The following LRRN1 variants were observed in gnomAD, a reference collection of about 807,000 sequenced individuals.
LRRN1 encodes the protein leucine-rich repeat neuronal protein 1.
In LRRN1, 14 loss-of-function variants were observed where a neutral mutation model predicts 45.8. The observed-to-expected ratio is 0.31, with a 90% CI of 0.20 to 0.48. The LOEUF (loss-of-function observed/expected upper bound fraction) is 0.48. LRRN1 is among the 20% of genes least tolerant of loss of function. The pLI is 0.99. For synonymous variants in LRRN1, 359 were observed against 330.1 expected, an observed-to-expected ratio of 1.09 and a Z score of -0.95; for missense variants, 789 against 874.2, an observed-to-expected ratio of 0.90 and a Z score of 1.23.
chr3:3,800,172 T>C (rs1456606226), intron 1 of LRRN1, among the ~76,000 whole-genome samples: 8 of 143,318 alleles, frequency 5.6e-5, no homozygotes, highest in African/African-American at 2.1e-4. Context: ...GGGAGAGCGA[T>C]AGTTGGGAAG....
intron 1 of LRRN1, among the ~76,000 whole-genome samples, chr3:3,827,668 T>C (rs564741203): frequency 6.6e-6 from 1 of 152,194 alleles, no homozygotes; most frequent in Non-Finnish European, 1.5e-5. Context: ...TTGAACATTA[T>C]CTACATGATA....
intron 1 of LRRN1, among the ~76,000 whole-genome samples, chr3:3,802,985 A>C (rs968922263): frequency 3.2e-4 from 31 of 97,648 alleles, no homozygotes; most frequent in Non-Finnish European, 8.2e-4. Context: ...AAACTGATAA[A>C]GTGTTTAATT....
chr3:3,834,016 G>A (rs899049408), intron 1 of LRRN1, among the ~76,000 whole-genome samples: 1 of 152,124 alleles, frequency 6.6e-6, no homozygotes, highest in Non-Finnish European at 1.5e-5. Context: ...AAGAGTTTGT[G>A]TCTGTTTTTC....
intron 1 of LRRN1, among the ~76,000 whole-genome samples, chr3:3,817,073 A>G (rs1362546916): frequency 2.0e-5 from 3 of 152,064 alleles, no homozygotes; most frequent in East Asian, 1.9e-4. Context: ...AAGCTGGAAA[A>G]CTGATGTTCT....
intron 1 of LRRN1, among the ~76,000 whole-genome samples, chr3:3,813,554 C>G (rs548939562): frequency 6.6e-6 from 1 of 152,188 alleles, no homozygotes; most frequent in African/African-American, 2.4e-5. Flanking sequence ...TTATTACTAA[C>G]CTGCTTTTCT....
At chr3:3,801,674 C>CTGTT (rs1692655621) in intron 1 of LRRN1, among the ~76,000 whole-genome samples, 1 of 152,156 alleles carries the variant, frequency 6.6e-6, no homozygotes, top group Non-Finnish European at 1.5e-5. Flanking sequence ...GTGAGTTTTT[C>CTGTT]TGTTTGGGAA....
chr3:3,827,154 A>G (rs1267441843), intron 1 of LRRN1: 1 of 191,594 alleles, frequency 5.2e-6, no homozygotes, highest in Non-Finnish European at 1.1e-5. Context: ...AGTTCATTCT[A>G]ATTCTCTCAC....
chr3:3,828,132 T>TTATATA (rs3043963), intron 1 of LRRN1, among the ~76,000 whole-genome samples: 19 of 145,324 alleles, frequency 1.3e-4, no homozygotes, highest in African/African-American at 4.3e-4. Flanking sequence ...AGGGACAGAA[T>TTATATA]TATATATATA....
chr3:3,840,413 G>C (rs146793495), intron 1 of LRRN1, among the ~76,000 whole-genome samples: 1,630 of 152,250 alleles, frequency 0.011, 12 homozygotes, highest in Non-Finnish European at 0.018. Context: ...TTCTTGTTGT[G>C]ATAATGGATT....
At position 3,845,149 on chromosome 3, in the gene LRRN1, T is replaced by C; in HGVS notation, c.508T>C (p.Leu170=). The C allele has an allele frequency of 6.2e-7, 1 of 1,614,172 alleles. No homozygotes were observed. The highest frequency in any genetic ancestry group is 1.1e-5 in the South Asian group (1 of 91,086). ...AHAFAGLKNL[L]RLHLNSNKLK... is the part of the protein sequence containing the mutation. ...TGCTTTTGCAGGCTTAAAAAATCTATTAAGGCTCCACCTGAACTCCAACAA... is the reference window on the plus strand; with the variant it reads ...TGCTTTTGCAGGCTTAAAAAATCTACTAAGGCTCCACCTGAACTCCAACAA... Residue 170 remains leucine, a synonymous_variant, in exon 2 of 2, where the codon TTA becomes CTA. Coordinates refer to ENST00000319331, the MANE Select transcript of LRRN1 (RefSeq NM_020873.7). This position sits in a 1 kb window ranked among gnomAD's most constrained non-coding sequence, Gnocchi z 6.5.
chr3:3,802,975 A>T (rs2106448720), intron 1 of LRRN1, among the ~76,000 whole-genome samples: 1 of 126,418 alleles, frequency 7.9e-6, no homozygotes, highest in South Asian at 2.3e-4. Context: ...TTGGTAAATA[A>T]AACTGATAAA....
chr3:3,818,799 G>C (rs978826101), intron 1 of LRRN1, among the ~76,000 whole-genome samples: 9 of 152,148 alleles, frequency 5.9e-5, no homozygotes, highest in African/African-American at 2.2e-4. Context: ...TAAGGAACAG[G>C]TACCTCTGTC....
chr3:3,806,661 T>C (rs1692766839), intron 1 of LRRN1, among the ~76,000 whole-genome samples: 1 of 152,218 alleles, frequency 6.6e-6, no homozygotes, highest in Non-Finnish European at 1.5e-5. Flanking sequence ...AAGATGCAGC[T>C]GAGTTGACAA....
intron 1 of LRRN1, among the ~76,000 whole-genome samples, chr3:3,808,449 CAAGT>C (rs1258774348): frequency 6.6e-6 from 1 of 152,160 alleles, no homozygotes; most frequent in Non-Finnish European, 1.5e-5. Flanking sequence ...AAATATTTGT[CAAGT>C]GAATGAATGA....
At chr3:3,822,419 G>A (rs560333080) in intron 1 of LRRN1, among the ~76,000 whole-genome samples, 1 of 152,274 alleles carries the variant, frequency 6.6e-6, no homozygotes, top group African/African-American at 2.4e-5. Context: ...TTTAATTCCT[G>A]TAGCTTACTA....
At chr3:3,824,802 A>T (rs1310613287) in intron 1 of LRRN1, among the ~76,000 whole-genome samples, 1 of 152,160 alleles carries the variant, frequency 6.6e-6, no homozygotes, top group Non-Finnish European at 1.5e-5. Context: ...GCAATGTGGG[A>T]TTGTCTATCT....
At chr3:3,832,428 T>G (rs949475586) in intron 1 of LRRN1, among the ~76,000 whole-genome samples, 5 of 152,144 alleles carry the variant, frequency 3.3e-5, no homozygotes, top group Non-Finnish European at 5.9e-5. Context: ...CACTGTAAGT[T>G]GGACCTGAGC....
At chr3:3,811,447 A>G (rs1012707930) in intron 1 of LRRN1, among the ~76,000 whole-genome samples, 1 of 152,250 alleles carries the variant, frequency 6.6e-6, no homozygotes, top group Non-Finnish European at 1.5e-5. Context: ...TGGAAAATGT[A>G]CTTAGCAAAT....
chr3:3,847,499 C>A lies in LRRN1; in HGVS notation c.*707C>A, dbSNP rs529461758. The A allele has an allele frequency of 3.6e-5, 6 of 165,096 alleles. No homozygotes were observed. Among genetic ancestry groups the A allele is most frequent in the African/African-American group, 1.5e-4 (6 of 40,966 alleles). The allele number at this position is 165,096 out of a possible 1,614,324, so 10.2% of individuals were successfully genotyped here. A position where few individuals can be genotyped will look rare whatever the true frequency, so the allele number is the denominator to read the frequency against. ...ACTACATGTTAATTGTTATCTTATTCTTTTTATCTTTAGTAGACACTTTTA... is the reference window on the plus strand; with the variant it reads ...ACTACATGTTAATTGTTATCTTATTATTTTTATCTTTAGTAGACACTTTTA... On this transcript the variant is annotated 3_prime_UTR_variant, in exon 2 of 2. Coordinates refer to ENST00000319331, the MANE Select transcript of LRRN1 (RefSeq NM_020873.7).
Sources: gnomAD v4.1 joint callset for allele counts (sites outside exome capture counted in the v4.1 genomes callset) on GRCh38, gnomAD v4.1.1 for gene constraint, Gnocchi (gnomAD v3.1) non-coding constraint, MANE v1.5 for transcripts, NCBI Gene and HGNC (gene_info 2026-07-23, HGNC 2026-07-21) for gene names.